The following TRPM7 variants were observed in gnomAD, a reference collection of about 807,000 sequenced individuals.
The protein encoded by TRPM7 is transient receptor potential cation channel subfamily M member 7, also known as LTRPC ion channel family member 7.
TRPM7 carries 134 observed loss-of-function variants against 229.7 expected under a neutral mutation model. The observed-to-expected ratio is 0.58, with a 90% confidence interval of 0.51 to 0.67. TRPM7 has a LOEUF of 0.67. Among genes scored for constraint, TRPM7 ranks in the 30% least tolerant of loss-of-function variants. The pLI, the probability that TRPM7 is intolerant of heterozygous loss-of-function variation, is 0.00. For synonymous variants in TRPM7, 699 were observed against 715.2 expected, an observed-to-expected ratio of 0.98 and a Z score of 0.36; for missense variants, 1,901 against 2,210.0, an observed-to-expected ratio of 0.86 and a Z score of 2.80.
chr15:50,683,109 T>C (rs1449228443), intron 1 of TRPM7, among the ~76,000 whole-genome samples: 2 of 151,762 alleles, frequency 1.3e-5, no homozygotes, highest in African/African-American at 2.4e-5. Context: ...GCTAGTCTTG[T>C]ACTCCTGGGC....
intron 27 of TRPM7, chr15:50,588,297 A>T: frequency 2.1e-6 from 2 of 938,422 alleles, no homozygotes; most frequent in Non-Finnish European, 2.5e-6. Flanking sequence ...ACTTAAAGGC[A>T]AATACAGAAA....
rs2059532699 is a variant in TRPM7, at chr15:50,592,554, T to C, written c.3681A>G (p.Ser1227=). 6.2e-7 allele frequency: 1 copy of C among 1,611,666 alleles called. No individual in the cohort carries two copies. Among genetic ancestry groups the C allele is most frequent in the African/African-American group, 1.3e-5 (1 of 74,938 alleles). Residue 1227 remains serine, a synonymous_variant, in exon 26 of 39, where the codon TCA becomes TCG. Transcript: ENST00000646667. ...GCAAATGGCCAATTTGAGAATCTAA[T>C]GATTGTAATGATCTTTTTATGTAGT... ...RVNYIKRSLQ[S]LDSQIGHLQD...
chr15:50,644,631 C>T (rs974704734), intron 4 of TRPM7, among the ~76,000 whole-genome samples: 1 of 151,788 alleles, frequency 6.6e-6, no homozygotes, highest in African/African-American at 2.4e-5. Flanking sequence ...GGTGAAACCC[C>T]GTCTCTACTA....
chr15:50,558,891 T>A lies in TRPM7; in HGVS notation c.*2787A>T, dbSNP rs2053214542. The stretch of plus-strand genomic sequence containing the variant: ...CTGGGCAACAGAGCAAGAGGTTGTC[T>A]TTTTTTTTTTTTTCTTTCTGAGACA... On this transcript the variant is annotated 3_prime_UTR_variant, in exon 39 of 39. Coordinates refer to ENST00000646667, the MANE Select transcript of TRPM7 (RefSeq NM_017672.6). 1 of 136,592 alleles carries A rather than the reference T, an allele frequency of 7.3e-6. No homozygotes were observed. The allele number at this position is 136,592 out of a possible 1,614,324, so 8.5% of individuals were successfully genotyped here. A position where few individuals can be genotyped will look rare whatever the true frequency, so the allele number is the denominator to read the frequency against.
chr15:50,571,199 T>C (rs934218944), intron 36 of TRPM7, among the ~76,000 whole-genome samples: 1 of 152,178 alleles, frequency 6.6e-6, no homozygotes, highest in Non-Finnish European at 1.5e-5. Flanking sequence ...CTATTTTCCA[T>C]CCAACAGAAT....
intron 9 of TRPM7, among the ~76,000 whole-genome samples, chr15:50,631,936 T>G (rs1234755860): frequency 6.6e-6 from 1 of 152,184 alleles, no homozygotes; most frequent in Non-Finnish European, 1.5e-5. Context: ...GGTCAATATT[T>G]TTATTGCAAA....
Position 50,561,271 on chromosome 15 carries a change from C to T in TRPM7, c.*407G>A, listed in dbSNP as rs1034775967. 1.9e-5 allele frequency: 3 copies of T among 157,998 alleles called. No homozygotes were observed. Among genetic ancestry groups the T allele is most frequent in the Non-Finnish European group, 4.2e-5 (3 of 71,910 alleles). 9.8% of individuals were successfully genotyped at this position (157,998 alleles called of 1,614,324 possible). On this transcript the variant is annotated 3_prime_UTR_variant, in exon 39 of 39. Coordinates refer to ENST00000646667, the MANE Select transcript of TRPM7 (RefSeq NM_017672.6). ...TGACTGCCATTTAACCAAAAGGCTG[C>T]GTGATTTCTTCATTTCCCTAGTTGA... is the stretch of plus-strand genomic sequence containing the variant.
At chr15:50,663,075 T>C (rs1232151863) in intron 1 of TRPM7, 29 bp from the exon 2 acceptor site, 1 of 1,552,020 alleles carries the variant, frequency 6.4e-7, no homozygotes, top group Non-Finnish European at 8.9e-7. Flanking sequence ...AAGAATTGTT[T>C]ATAAGTTAAC....
chr15:50,574,804 T>G (rs2054057510), intron 34 of TRPM7, 48 bp downstream of exon 34: 1 of 1,591,442 alleles, frequency 6.3e-7, no homozygotes, highest in Non-Finnish European at 8.6e-7. Flanking sequence ...GAAGTTAAAA[T>G]ATAAAGCTTA....
chr15:50,586,210 A>G (rs2059338798), intron 28 of TRPM7, among the ~76,000 whole-genome samples, 182 bp downstream of exon 28: 1 of 152,120 alleles, frequency 6.6e-6, no homozygotes, highest in African/African-American at 2.4e-5. Context: ...ATATTCTAAT[A>G]AAACATTCTA....
chr15:50,577,241 G>A (rs1171707483), intron 31 of TRPM7, among the ~76,000 whole-genome samples: 3 of 152,108 alleles, frequency 2.0e-5, no homozygotes, highest in African/African-American at 4.8e-5. Flanking sequence ...AAAATGTAAA[G>A]TGGAGGAGTG....
At chr15:50,646,083 C>T (rs562793858) in intron 4 of TRPM7, among the ~76,000 whole-genome samples, 3 of 148,262 alleles carry the variant, frequency 2.0e-5, no homozygotes, top group African/African-American at 7.4e-5. Context: ...CGCCACTGCA[C>T]TCCAGCCTGG....
intron 17 of TRPM7, 111 bp downstream of exon 17, chr15:50,610,982 C>T (rs769000389): frequency 4.9e-5 from 39 of 797,510 alleles, no homozygotes; most frequent in Middle Eastern, 6.7e-4. Context: ...TCCCTCTTTA[C>T]CCCCCACCAT....
intron 9 of TRPM7, 98 bp from the exon 10 acceptor site, chr15:50,631,587 A>G (rs1259514996): frequency 4.8e-6 from 3 of 631,366 alleles, no homozygotes; most frequent in Non-Finnish European, 5.6e-6. Flanking sequence ...GGCAAAATAT[A>G]TATGTATGTA....
Position 50,581,651 on chromosome 15 carries a change from T to G in TRPM7, c.4558-743A>C, listed in dbSNP as rs1176251705. Reference sequence around the variant, plus strand: ...CTTTGTTGTGTATATGTGCATATGGTTTTTATTCTGCAGTTGTATAATGTT... The same window carrying G: ...CTTTGTTGTGTATATGTGCATATGGGTTTTATTCTGCAGTTGTATAATGTT... On this transcript the variant is annotated intron_variant, in intron 29 of 38. Coordinates refer to ENST00000646667, the MANE Select transcript of TRPM7 (RefSeq NM_017672.6). 3.9e-5 allele frequency among the ~76,000 whole-genome samples: 6 copies of G among 152,066 alleles called. No homozygotes were observed. The East Asian group carries it at 1.2e-3, about 29-fold the overall frequency.
chr15:50,612,786 T>C lies in TRPM7; in HGVS notation c.1814A>G (p.Asp605Gly), dbSNP rs1382568259. 23 of 1,613,760 alleles carry C rather than the reference T, an allele frequency of 1.4e-5. 1 individual carries two copies. In the South Asian group the frequency reaches 2.5e-4, roughly 18 times the overall value. ...TGGATCATCAATGTCTACAATTTCA[T>C]CTTTGGTTCTTTTCTTCTTTCCTTC... is the stretch of plus-strand genomic sequence containing the variant. The part of the protein sequence containing the change: ...MEEGKKKRTK[D>G]EIVDIDDPET... Residue 605 changes from aspartate (D) to glycine (G), a missense_variant, in exon 16 of 39, where the codon GAT (aspartate) becomes GGT (glycine). This residue lies in a region of TRPM7 where 794 missense variants were observed against 881.9 expected (regional missense o/e 0.90). Transcript: ENST00000646667.
chr15:50,630,095 C>T (rs2060687447), intron 10 of TRPM7, among the ~76,000 whole-genome samples: 1 of 152,052 alleles, frequency 6.6e-6, no homozygotes, highest in East Asian at 1.9e-4. Context: ...CTCCTGACCT[C>T]AAGTGATCCA....
intron 21 of TRPM7, among the ~76,000 whole-genome samples, chr15:50,599,969 T>A (rs538412065): frequency 1.3e-5 from 2 of 152,328 alleles, no homozygotes; most frequent in East Asian, 3.9e-4. Flanking sequence ...AACCTAGTAA[T>A]TCATTGAAAA....
chr15:50,670,689 AT>A (rs771618013), intron 1 of TRPM7, among the ~76,000 whole-genome samples: 94 of 152,268 alleles, frequency 6.2e-4, no homozygotes, highest in South Asian at 1.2e-3. Context: ...TAATCAGGAA[AT>A]AACCATAAAA....
Sources: gnomAD v4.1 joint callset for allele counts (sites outside exome capture counted in the v4.1 genomes callset) on GRCh38, gnomAD v4.1.1 for gene constraint, gnomAD v4.1.1 regional missense constraint, MANE v1.5 for transcripts, NCBI Gene and HGNC (gene_info 2026-07-23, HGNC 2026-07-21) for gene names.